Variants in FTO observed in about 807,000 individuals in gnomAD.
The protein encoded by FTO is FTO alpha-ketoglutarate dependent dioxygenase, also known as alpha-ketoglutarate-dependent dioxygenase FTO.
FTO carries 47 observed loss-of-function variants against 63.9 expected under a neutral mutation model. The observed-to-expected ratio is 0.74, with a 90% CI of 0.58 to 0.94. FTO has a LOEUF of 0.94. Among genes scored for constraint, FTO ranks in the 40% least tolerant of loss-of-function variants. FTO has a pLI of 0.00. For missense variants in FTO, 562 were observed against 618.1 expected (o/e 0.91, Z 0.96); for synonymous variants, 207 against 224.4 (o/e 0.92, Z 0.69).
At chr16:53,970,246 T>A (rs2083285395) in intron 8 of FTO, among the ~76,000 whole-genome samples, 2 of 152,028 alleles carry the variant, frequency 1.3e-5, no homozygotes, top group African/African-American at 4.8e-5. Context: ...CTTAATCATA[T>A]GGACTAGGAA....
chr16:54,110,160 T>G (rs2086849649), intron 8 of FTO, among the ~76,000 whole-genome samples: 1 of 152,198 alleles, frequency 6.6e-6, no homozygotes, highest in African/African-American at 2.4e-5. Context: ...AGCGGCATGG[T>G]CTCAAACACC....
intron 6 of FTO, 71 bp downstream of exon 6, chr16:53,880,058 G>A: frequency 8.6e-7 from 1 of 1,168,228 alleles, no homozygotes; most frequent in Non-Finnish European, 1.2e-6. Flanking sequence ...GCAGCGGCAT[G>A]ACCTCGGCTC....
intron 8 of FTO, among the ~76,000 whole-genome samples, chr16:54,102,453 G>A (rs2086660474): frequency 6.6e-6 from 1 of 152,122 alleles, no homozygotes; most frequent in East Asian, 1.9e-4. Context: ...TTGCGTGCCT[G>A]TAATCCCAGC....
At chr16:53,943,392 T>C (rs2082579918) in intron 8 of FTO, among the ~76,000 whole-genome samples, 1 of 152,262 alleles carries the variant, frequency 6.6e-6, no homozygotes, top group Non-Finnish European at 1.5e-5. Context: ...GCATGAACTC[T>C]GTTTCTGGCA....
chr16:53,806,329 G>A (rs2078366626), intron 1 of FTO, among the ~76,000 whole-genome samples: 1 of 152,134 alleles, frequency 6.6e-6, no homozygotes, highest in Non-Finnish European at 1.5e-5. Context: ...TTTACATAGT[G>A]CAAAAATCAA....
chr16:53,901,930 G>A lies in FTO; in HGVS notation c.1239+12979G>A, dbSNP rs148706856. Among the ~76,000 whole-genome samples the A allele has an allele frequency of 2.6e-3, 397 of 152,100 alleles. 1 individual carries two copies. Among genetic ancestry groups the A allele is most frequent in the African/African-American group, 9.3e-3 (386 of 41,484 alleles). On this transcript the variant is annotated intron_variant, in intron 7 of 8. Coordinates refer to ENST00000471389, the MANE Select transcript of FTO (RefSeq NM_001080432.3). ...TCTAGGGTCTTGGGGTAAATTTAGAGGCCACTATTCTCCTTAAATGATAGT... is the reference window on the plus strand; with the variant it reads ...TCTAGGGTCTTGGGGTAAATTTAGAAGCCACTATTCTCCTTAAATGATAGT...
At chr16:53,852,200 C>G (rs1007847682) in intron 4 of FTO, among the ~76,000 whole-genome samples, 1 of 150,578 alleles carries the variant, frequency 6.6e-6, no homozygotes, top group Non-Finnish European at 1.5e-5. Flanking sequence ...CAGCTGAGCT[C>G]GGGAGGTTGA....
chr16:53,952,293 A>C (rs1367755258), intron 8 of FTO, among the ~76,000 whole-genome samples: 1 of 152,198 alleles, frequency 6.6e-6, no homozygotes, highest in Non-Finnish European at 1.5e-5. Context: ...GTGATAGATT[A>C]AGAAATATTA....
chr16:53,828,994 G>A (rs1324760616), intron 3 of FTO, among the ~76,000 whole-genome samples: 1 of 152,138 alleles, frequency 6.6e-6, no homozygotes, highest in Non-Finnish European at 1.5e-5. Flanking sequence ...GGGTTCAAGT[G>A]ATTCTCCTGC....
intron 1 of FTO, among the ~76,000 whole-genome samples, chr16:53,716,374 G>T (rs1270184496): frequency 6.6e-6 from 1 of 152,128 alleles, no homozygotes; most frequent in Non-Finnish European, 1.5e-5. Flanking sequence ...CAGTCTTATT[G>T]CTTTAGAGTA....
chr16:53,938,256 G>A (rs1213276289), intron 8 of FTO, among the ~76,000 whole-genome samples: 1 of 152,238 alleles, frequency 6.6e-6, no homozygotes, highest in Non-Finnish European at 1.5e-5. Flanking sequence ...AGCACATAAT[G>A]TTAACTGAGT....
intron 8 of FTO, among the ~76,000 whole-genome samples, chr16:54,097,017 C>T (rs1317889845): frequency 6.6e-6 from 1 of 152,208 alleles, no homozygotes; most frequent in Non-Finnish European, 1.5e-5. Context: ...GCTGTGGCCT[C>T]ATTTTCAAAC....
At chr16:53,875,703 T>C (rs1341779404) in intron 5 of FTO, among the ~76,000 whole-genome samples, 1 of 152,226 alleles carries the variant, frequency 6.6e-6, no homozygotes, top group Non-Finnish European at 1.5e-5. Context: ...TTTCAGTTTG[T>C]TCTCTCTTCA....
chr16:53,841,839 A>T (rs1419440357), intron 3 of FTO, among the ~76,000 whole-genome samples: 1 of 152,102 alleles, frequency 6.6e-6, no homozygotes, highest in Non-Finnish European at 1.5e-5. Flanking sequence ...TTCCTGCATT[A>T]CTTCTCATTT....
chr16:53,953,645 A>G lies in FTO; in HGVS notation c.1364+19536A>G, dbSNP rs1023812068. Among the ~76,000 whole-genome samples, 3 of 152,238 alleles carry G rather than the reference A, an allele frequency of 2.0e-5. No homozygotes were observed. The East Asian group carries it at 5.8e-4, about 29-fold the overall frequency. On this transcript the variant is annotated intron_variant, in intron 8 of 8. Coordinates refer to ENST00000471389, the MANE Select transcript of FTO (RefSeq NM_001080432.3). Reference sequence around the variant, plus strand: ...ACCATATGTTTCCATAACAACTGCAAACTTTTATGTTAGAAAAGCAATAAT... The same window carrying G: ...ACCATATGTTTCCATAACAACTGCAGACTTTTATGTTAGAAAAGCAATAAT...
At chr16:54,012,221 G>A (rs996004114) in intron 8 of FTO, among the ~76,000 whole-genome samples, 1 of 152,194 alleles carries the variant, frequency 6.6e-6, no homozygotes, top group African/African-American at 2.4e-5. Flanking sequence ...TACGGAGAGA[G>A]TTTGAGTGGT....
At chr16:53,932,902 A>G (rs1249247144) in intron 7 of FTO, among the ~76,000 whole-genome samples, 1 of 152,162 alleles carries the variant, frequency 6.6e-6, no homozygotes, top group Non-Finnish European at 1.5e-5. Context: ...ATCCTGGAAA[A>G]GAATCAATTT....
chr16:54,055,161 G>A (rs1188814314), intron 8 of FTO, among the ~76,000 whole-genome samples: 4 of 152,318 alleles, frequency 2.6e-5, no homozygotes, highest in South Asian at 2.1e-4. Flanking sequence ...AGCCCTGCTT[G>A]CAATACTGGG....
chr16:54,034,623 A>G (rs528051165), intron 8 of FTO, among the ~76,000 whole-genome samples: 1 of 152,304 alleles, frequency 6.6e-6, no homozygotes, highest in Admixed American at 6.5e-5. Context: ...ACATAAGACC[A>G]GGTAATAGAG....
Sources: allele counts gnomAD v4.1 joint callset (sites outside exome capture counted in the v4.1 genomes callset), GRCh38; gene constraint gnomAD v4.1.1; transcripts MANE v1.5; gene names NCBI Gene and HGNC (gene_info 2026-07-23, HGNC 2026-07-21).